ABCG5: variants seen among roughly 807,000 people sequenced by gnomAD.
ABCG5 encodes the protein ATP binding cassette subfamily G member 5.
A neutral mutation model predicts 64.5 loss-of-function variants in ABCG5; 64 were observed. The observed-to-expected ratio is 0.99, with a 90% CI of 0.81 to 1.22. The LOEUF (loss-of-function observed/expected upper bound fraction) is 1.22. Ranked by LOEUF, ABCG5 falls within the 50% of genes most tolerant of loss-of-function variation. The pLI, the probability that ABCG5 is intolerant of heterozygous loss-of-function variation, is 0.00. For missense variants in ABCG5, 908 were observed against 829.5 expected (o/e 1.09, Z -1.16); for synonymous variants, 385 against 326.3 (o/e 1.18, Z -1.94).
At chr2:43,837,796 A>C in intron 2 of ABCG5, 38 bp downstream of exon 2, 1 of 1,612,802 alleles carries the variant, frequency 6.2e-7, no homozygotes. Context: ...GTTTAACTCA[A>C]GCCAAATCCT....
the ABCG5 span, among the ~76,000 whole-genome samples, chr2:43,807,082 G>A: frequency 2.0e-4 from 31 of 152,126 alleles, 1 homozygote; most frequent in African/African-American, 7.0e-4. Flanking sequence ...TTGATAATCC[G>A]AATCTAAATT....
At chr2:43,835,150 A>C (rs537458608) in intron 2 of ABCG5, among the ~76,000 whole-genome samples, 1 of 152,188 alleles carries the variant, frequency 6.6e-6, no homozygotes, top group East Asian at 1.9e-4. Flanking sequence ...CCAAAGCCGT[A>C]ATTAGGCATC....
chr2:43,832,497 T>C, intron 2 of ABCG5: 1 of 260,696 alleles, frequency 3.8e-6, no homozygotes, highest in Non-Finnish European at 7.5e-6. Context: ...CCCCCTGGGG[T>C]GGTCTGGTTG....
intron 10 of ABCG5, among the ~76,000 whole-genome samples, chr2:43,822,137 C>T (rs1384694351): frequency 6.6e-6 from 1 of 152,134 alleles, no homozygotes; most frequent in African/African-American, 2.4e-5. Flanking sequence ...CCCTGTAACA[C>T]CAAGTTTCTC....
At position 43,837,115 on chromosome 2, in the gene ABCG5, C is replaced by G. The variant is rs556244463; in HGVS notation, c.265+719G>C. On this transcript the variant is annotated intron_variant, in intron 2 of 12. Transcript: ENST00000405322. Reference sequence around the variant, plus strand: ...TACATGAACTTTTAAATATTATTCTCCAGTCTTTTTTTTTTTTTTTTTGAG... The same window carrying G: ...TACATGAACTTTTAAATATTATTCTGCAGTCTTTTTTTTTTTTTTTTTGAG... 3.5e-5 allele frequency among the ~76,000 whole-genome samples: 5 copies of G among 142,604 alleles called. No individual in the cohort carries two copies. In the South Asian group the frequency reaches 7.0e-4, roughly 20 times the overall value. 93.6% of individuals were successfully genotyped at this position (142,604 alleles called of 152,430 possible).
chr2:43,827,211 G>A (rs1667666047), intron 5 of ABCG5, among the ~76,000 whole-genome samples: 1 of 151,946 alleles, frequency 6.6e-6, no homozygotes, highest in Non-Finnish European at 1.5e-5. Context: ...TGTAATCCCA[G>A]CTACTCAGGA....
chr2:43,809,796 C>A (rs1375083504), downstream of ABCG5: 5 of 1,583,104 alleles, frequency 3.2e-6, no homozygotes, highest in African/African-American at 2.7e-5. Context: ...ATATTTATTT[C>A]TTCTTTTCCA....
At chr2:43,829,966 A>C (rs1572785051) in intron 4 of ABCG5, among the ~76,000 whole-genome samples, 1 of 152,232 alleles carries the variant, frequency 6.6e-6, no homozygotes, top group East Asian at 1.9e-4. Flanking sequence ...AGATATAGAT[A>C]TATTCTGGAA....
upstream of ABCG5, chr2:43,839,052 C>G: frequency 1.3e-6 from 2 of 1,550,972 alleles, no homozygotes; most frequent in Non-Finnish European, 1.7e-6. Flanking sequence ...CCTGTGGGCC[C>G]CATGGCCGGG....
chr2:43,819,002 A>C (rs1028868168), intron 11 of ABCG5, among the ~76,000 whole-genome samples: 3 of 152,172 alleles, frequency 2.0e-5, no homozygotes, highest in African/African-American at 7.2e-5. Flanking sequence ...TAGTGGTGTG[A>C]CTTGAGCAAA....
chr2:43,838,450 A>T lies in ABCG5; in HGVS notation c.143+87T>A. On this transcript the variant is annotated intron_variant, in intron 1 of 12. Transcript: ENST00000405322. This position sits in a 1 kb window ranked among gnomAD's most constrained non-coding sequence, Gnocchi z 4.2. ...GGGAGCCCGAAGTGCCCAGACTGGC[A>T]CTTAAAGAGTGAAGAAAGGCAGCAG... 7.4e-7 allele frequency: 1 copy of T among 1,351,234 alleles called. No individual in the cohort carries two copies. Among genetic ancestry groups the T allele is most frequent in the Non-Finnish European group, 1.0e-6 (1 of 973,098 alleles). 83.7% of individuals were successfully genotyped at this position (1,351,234 alleles called of 1,614,324 possible).
At position 43,824,115 on chromosome 2, in the gene ABCG5, T is replaced by C; in HGVS notation, c.1122A>G (p.Arg374=). ...TATTTCTCACCAAGTTTCTTGTCACTCTCCTGAAAACAAACAACCCTGTTT... is the reference window on the plus strand; with the variant it reads ...TATTTCTCACCAAGTTTCTTGTCACCCTCCTGAAAACAAACAACCCTGTTT... ...VFSKLGVLLR[R]VTRNLVRNKL... Residue 374 remains arginine (R), a synonymous_variant, in exon 9 of 13, where the codon AGA becomes AGG. Coordinates refer to ENST00000405322, the MANE Select transcript of ABCG5 (RefSeq NM_022436.3). 1 of 1,614,192 alleles carries C rather than the reference T, an allele frequency of 6.2e-7. No homozygotes were observed. The highest frequency in any genetic ancestry group is 8.5e-7 in the Non-Finnish European group (1 of 1,180,040).
intron 5 of ABCG5, among the ~76,000 whole-genome samples, 153 bp downstream of exon 5, chr2:43,827,829 CA>C (rs112446576): frequency 6.6e-6 from 1 of 151,948 alleles, no homozygotes; most frequent in African/African-American, 2.4e-5. Flanking sequence ...ACAGCATTTC[CA>C]AAAAAACTGG....
chr2:43,831,957 TAGG>T lies in ABCG5; in HGVS notation c.389_391del (p.Ser130del). The T allele has an allele frequency of 1.3e-6, 2 of 1,550,016 alleles. No homozygotes were observed. Among genetic ancestry groups the T allele is most frequent in the Non-Finnish European group, 1.7e-6 (2 of 1,146,998 alleles). On this transcript the variant is annotated inframe_deletion, in exon 3 of 13. Transcript: ENST00000405322. ...GGGGGACGCGCCCACCTGCAGGACGTAGGAGAAGCAGTCCTGGAACTGCTCCCG... is the reference window on the plus strand; with the variant it reads ...GGGGGACGCGCCCACCTGCAGGACGTAGAAGCAGTCCTGGAACTGCTCCCG...
chr2:43,822,528 T>A, intron 10 of ABCG5: 1 of 981,552 alleles, frequency 1.0e-6, no homozygotes, highest in Non-Finnish European at 1.2e-6. Flanking sequence ...CTCTCTTCTC[T>A]GGCCCAGGCC....
rs530616214 is a variant in ABCG5, at chr2:43,822,912, C to G, written c.1348G>C (p.Asp450His). ...NLFPVLRAVS[D>H]QESQDGLYQK... ...TAGAGGCCGTCCTGACTCTCCTGGTCGCTGACAGCTCGCAGCACGGGAACT... is the reference window on the plus strand; with the variant it reads ...TAGAGGCCGTCCTGACTCTCCTGGTGGCTGACAGCTCGCAGCACGGGAACT... The change falls in exon 10 of 13, where the codon GAC (aspartate) becomes CAC (histidine). Residue 450 changes from aspartate (D) to histidine (H), a missense_variant. Asp to His is a moderately conservative substitution (Grantham distance 81, BLOSUM62 -1). Coordinates refer to ENST00000405322, the MANE Select transcript of ABCG5 (RefSeq NM_022436.3). 5.0e-6 allele frequency: 8 copies of G among 1,613,948 alleles called. No individual in the cohort carries two copies. In the Admixed American group the frequency reaches 8.3e-5, roughly 17 times the overall value.
chr2:43,816,854 A>T (rs1035739292), intron 11 of ABCG5, among the ~76,000 whole-genome samples: 8 of 152,250 alleles, frequency 5.3e-5, no homozygotes, highest in African/African-American at 1.9e-4. Flanking sequence ...TACTTCAGGT[A>T]ACTTTTACTT....
At chr2:43,822,469 C>T (rs1161291496) in intron 10 of ABCG5, 4 of 815,044 alleles carry the variant, frequency 4.9e-6, no homozygotes, top group Non-Finnish European at 5.7e-6. Flanking sequence ...GCTTTCTCCC[C>T]TCCCCCAGGC....
chr2:43,824,489 T>A, intron 7 of ABCG5, 57 bp from the exon 8 acceptor site: 1 of 1,604,358 alleles, frequency 6.2e-7, no homozygotes, highest in Non-Finnish European at 8.5e-7. Flanking sequence ...TGTATGTACA[T>A]GGATATACAA....
Sources: allele counts gnomAD v4.1 joint callset (sites outside exome capture counted in the v4.1 genomes callset), GRCh38; gene constraint gnomAD v4.1.1; non-coding constraint Gnocchi (gnomAD v3.1); transcripts MANE v1.5; gene names NCBI Gene and HGNC (gene_info 2026-07-23, HGNC 2026-07-21).